The following ST18 variants were observed in gnomAD, a reference collection of about 807,000 sequenced individuals.
The protein encoded by ST18 is suppression of tumorigenicity 18 protein.
ST18 carries 50 observed loss-of-function variants against 110.0 expected under a neutral mutation model. That is an observed-to-expected ratio of 0.45 (90% CI 0.36 to 0.58). The LOEUF (loss-of-function observed/expected upper bound fraction) is 0.58. ST18 is among the 20% of genes least tolerant of loss of function. The probability of loss-of-function intolerance (pLI) is 0.00; values close to 1 mark genes in which losing one functional copy is unlikely to be tolerated. For synonymous variants in ST18, 461 were observed against 452.4 expected, an observed-to-expected ratio of 1.02 and a Z score of -0.24; for missense variants, 1,306 against 1,280.1, an observed-to-expected ratio of 1.02 and a Z score of -0.31.
intron 2 of ST18, among the ~76,000 whole-genome samples, chr8:52,314,014 C>A (rs2095975464): frequency 6.6e-6 from 1 of 152,174 alleles, no homozygotes; most frequent in Admixed American, 6.5e-5. Flanking sequence ...ACCTTCAGGA[C>A]CCAGCGCAGC....
At chr8:52,267,600 T>C (rs1589449997) in intron 2 of ST18, among the ~76,000 whole-genome samples, 1 of 152,052 alleles carries the variant, frequency 6.6e-6, no homozygotes, top group Admixed American at 6.5e-5. Context: ...AGCTTTAGCA[T>C]TGAATGGGGA....
In ST18 at chr8:52,193,416, G is replaced by A. The variant is rs117371377; in HGVS notation, c.87-13104C>T. Reference sequence around the variant, plus strand: ...TTTAACCCAAAGTCCCATCTCCCTGGGACAGCCCATATTCACACTTGCCTC... The same window carrying A: ...TTTAACCCAAAGTCCCATCTCCCTGAGACAGCCCATATTCACACTTGCCTC... On this transcript the variant is annotated intron_variant, in intron 8 of 25. Coordinates refer to ENST00000689386, the MANE Select transcript of ST18 (RefSeq NM_001352837.2). 4.9e-3 allele frequency among the ~76,000 whole-genome samples: 748 copies of A among 152,260 alleles called. 5 individuals carry two copies. The highest frequency in any genetic ancestry group is 0.024 in the Middle Eastern group (7 of 294).
intron 8 of ST18, among the ~76,000 whole-genome samples, chr8:52,200,214 A>T (rs1465009901): frequency 6.6e-6 from 1 of 152,228 alleles, no homozygotes; most frequent in Non-Finnish European, 1.5e-5. Flanking sequence ...GAACAAAGTA[A>T]ATAAGTAGTT....
intron 2 of ST18, among the ~76,000 whole-genome samples, chr8:52,325,214 G>C (rs1463102934): frequency 1.3e-5 from 2 of 152,024 alleles, no homozygotes; most frequent in African/African-American, 4.8e-5. Flanking sequence ...CTGTAGAGAG[G>C]GGGGAAAAGA....
rs555571617 is a variant in ST18 at position 52,214,217 on chromosome 8, G to A, written c.41C>T (p.Ser14Phe). The A allele has an allele frequency of 2.5e-6, 4 of 1,614,076 alleles. No individual in the cohort carries two copies. The highest frequency in any genetic ancestry group is 1.1e-5 in the South Asian group (1 of 91,062). The change falls in exon 7 of 26, where the codon TCT (serine) becomes TTT (phenylalanine). Residue 14 changes from serine to phenylalanine, a missense_variant. Physicochemically the swap from Ser to Phe is radical, Grantham distance 155. Coordinates refer to ENST00000689386, the MANE Select transcript of ST18 (RefSeq NM_001352837.2). ...TGCTAACTCACCCTCGGTTCCTTTA[G>A]AGCGAGTACGCAGCGTTTTATCTTC... Reference protein sequence around the residue: ...EAEDKTLRTRSKGTEVPMDSL... With the variant: ...EAEDKTLRTRFKGTEVPMDSL...
intron 2 of ST18, among the ~76,000 whole-genome samples, chr8:52,309,974 TGGG>T (rs950388029): frequency 6.6e-5 from 10 of 152,150 alleles, no homozygotes; most frequent in Admixed American, 6.5e-4. Flanking sequence ...ATACTGTGCA[TGGG>T]GAGAGGGAAA....
At chr8:52,250,471 A>AAAAAAAAAAAAAAAC (rs2094208998) in intron 2 of ST18, among the ~76,000 whole-genome samples, 1 of 150,130 alleles carries the variant, frequency 6.7e-6, no homozygotes, top group Non-Finnish European at 1.5e-5. Context: ...AAAAAAAAAA[A>AAAAAAAAAAAAAAAC]AAAAAAGATC....
At chr8:52,130,262 C>T (rs1243623986) in intron 22 of ST18, among the ~76,000 whole-genome samples, 1 of 152,014 alleles carries the variant, frequency 6.6e-6, no homozygotes, top group Non-Finnish European at 1.5e-5. Context: ...AATATGTAAA[C>T]AGGAACCTAT....
intron 2 of ST18, among the ~76,000 whole-genome samples, chr8:52,346,725 A>C (rs953818525): frequency 5.3e-5 from 8 of 152,232 alleles, no homozygotes; most frequent in African/African-American, 1.9e-4. Context: ...AGCTCCAGCA[A>C]AACTTCAAGT....
At chr8:52,346,856 C>T (rs1231819317) in intron 2 of ST18, among the ~76,000 whole-genome samples, 1 of 152,098 alleles carries the variant, frequency 6.6e-6, no homozygotes, top group African/African-American at 2.4e-5. Flanking sequence ...TAGGAAAAAA[C>T]AATGGGAGAT....
rs567772906 is a variant in ST18 at position 52,155,888 on chromosome 8, T to G, written c.1806+3010A>C. ...GAAGGCAATTTCAAAGTTAGTGTTC[T>G]TTGGCTTGATGTCAAAAAGATTGTG... On this transcript the variant is annotated intron_variant, in intron 15 of 25. Coordinates refer to ENST00000689386, the MANE Select transcript of ST18 (RefSeq NM_001352837.2). Among the ~76,000 whole-genome samples, 21 of 152,284 alleles carry G rather than the reference T, an allele frequency of 1.4e-4. No homozygotes were observed. In the South Asian group the frequency reaches 3.5e-3, roughly 26 times the overall value.
intron 8 of ST18, among the ~76,000 whole-genome samples, chr8:52,202,263 A>G (rs1398890140): frequency 6.6e-6 from 1 of 151,402 alleles, no homozygotes; most frequent in Non-Finnish European, 1.5e-5. Flanking sequence ...ATTACAAGCT[A>G]CATTATTCTC....
At position 52,214,095 on chromosome 8, in the gene ST18, C is replaced by T. The variant is rs2083212883; in HGVS notation, c.55+108G>A. On this transcript the variant is annotated intron_variant, in intron 7 of 25. Transcript: ENST00000689386. The stretch of plus-strand genomic sequence containing the variant: ...CTGGCTTGATTTGAAAAAAGAAGCC[C>T]TGAGGAAGTTGTAATCATTCTGACT... 4 of 1,202,980 alleles carry T rather than the reference C, an allele frequency of 3.3e-6. No homozygotes were observed. The South Asian group carries it at 5.5e-5, about 17-fold the overall frequency. 74.5% of individuals were successfully genotyped at this position (1,202,980 alleles called of 1,614,324 possible).
intron 16 of ST18, among the ~76,000 whole-genome samples, chr8:52,143,318 C>A (rs996143443): frequency 6.6e-6 from 1 of 152,150 alleles, no homozygotes; most frequent in African/African-American, 2.4e-5. Flanking sequence ...AATCCCGTCT[C>A]TACCAAAAAT....
intron 2 of ST18, among the ~76,000 whole-genome samples, chr8:52,241,633 G>A (rs1395726488): frequency 1.3e-5 from 2 of 152,178 alleles, no homozygotes; most frequent in Non-Finnish European, 2.9e-5. Context: ...CTATACTTCT[G>A]ATACTTTTAG....
chr8:52,140,473 G>A (rs149462844), intron 17 of ST18, among the ~76,000 whole-genome samples: 2 of 152,064 alleles, frequency 1.3e-5, no homozygotes, highest in East Asian at 3.9e-4. Flanking sequence ...GCAGTGAGCC[G>A]AGAACGCACC....
chr8:52,277,490 C>T (rs150486928), intron 2 of ST18, among the ~76,000 whole-genome samples: 1 of 152,260 alleles, frequency 6.6e-6, no homozygotes, highest in African/African-American at 2.4e-5. Flanking sequence ...AAGAATGTAC[C>T]ATATCATGGT....
intron 2 of ST18, among the ~76,000 whole-genome samples, chr8:52,374,370 C>A (rs1464217618): frequency 6.6e-6 from 1 of 152,068 alleles, no homozygotes; most frequent in African/African-American, 2.4e-5. Context: ...GGAGCACTGG[C>A]AGCCGCCAGC....
chr8:52,387,967 C>T (rs1180012956), intron 2 of ST18, among the ~76,000 whole-genome samples: 1 of 151,294 alleles, frequency 6.6e-6, no homozygotes, highest in Non-Finnish European at 1.5e-5. Context: ...CCCCCCCGCC[C>T]CACGCCGGGC....
Sources: allele counts gnomAD v4.1 joint callset (sites outside exome capture counted in the v4.1 genomes callset), GRCh38; gene constraint gnomAD v4.1.1; transcripts MANE v1.5; gene names NCBI Gene and HGNC (gene_info 2026-07-23, HGNC 2026-07-21).